The following TOGARAM1 variants were observed in gnomAD, a reference collection of about 807,000 sequenced individuals.
TOGARAM1 encodes TOG array regulator of axonemal microtubules 1, also known as TOG array regulator of axonemal microtubules protein 1.
In TOGARAM1, 100 loss-of-function variants were observed where a neutral mutation model predicts 166.6. The ratio of observed to expected loss-of-function variants is 0.60; its 90% CI spans 0.51 to 0.71. The LOEUF (loss-of-function observed/expected upper bound fraction) is 0.71, where lower values mean the gene tolerates loss of function less well. TOGARAM1 is among the 30% of genes least tolerant of loss of function. TOGARAM1 has a pLI of 0.00. For synonymous variants in TOGARAM1, 758 were observed against 763.8 expected (o/e 0.99, Z 0.13); for missense variants, 2,029 against 2,102.7 (o/e 0.96, Z 0.69).
At chr14:45,038,987 AGAGTGGGTAGCTCCTATCCACAGGC>A (rs1387774716) in intron 11 of TOGARAM1, among the ~76,000 whole-genome samples, 3 of 152,082 alleles carry the variant, frequency 2.0e-5, no homozygotes, top group Non-Finnish European at 4.4e-5. Flanking sequence ...GGGGAGACCC[AGAGTGGGTAGCTCCTATCCACAGGC>A]GGGTCATCCT....
chr14:44,990,952 G>C (rs1887089958), intron 1 of TOGARAM1, among the ~76,000 whole-genome samples: 1 of 107,892 alleles, frequency 9.3e-6, no homozygotes, highest in Non-Finnish European at 1.7e-5. Flanking sequence ...CCCAGCTGAG[G>C]CTTTTTTTTT....
At chr14:44,975,375 A>T (rs1409355263) in intron 1 of TOGARAM1, among the ~76,000 whole-genome samples, 1 of 152,198 alleles carries the variant, frequency 6.6e-6, no homozygotes, top group African/African-American at 2.4e-5. Flanking sequence ...AGTGTCTTTG[A>T]AGGGCAGTGT....
At chr14:45,045,543 G>GTGTATATATATATATA (rs1457434775) in intron 13 of TOGARAM1, among the ~76,000 whole-genome samples, 1 of 38,922 alleles carries the variant, frequency 2.6e-5, no homozygotes, top group Non-Finnish European at 5.0e-5. Flanking sequence ...GTCTGTGTGT[G>GTGTATATATATATATA]TATATATATA....
chr14:44,969,873 C>G (rs772957760), intron 1 of TOGARAM1, among the ~76,000 whole-genome samples: 2 of 152,080 alleles, frequency 1.3e-5, no homozygotes, highest in Non-Finnish European at 2.9e-5. Context: ...GGGTCTTTTT[C>G]TGGGCTCTTT....
At position 45,044,735 on chromosome 14, in the gene TOGARAM1, C is replaced by CA. The variant is rs746532217; in HGVS notation, c.4020dup (p.Val1341SerfsTer10). 50 of 1,613,804 alleles carry CA rather than the reference C, an allele frequency of 3.1e-5. No homozygotes were observed. The highest frequency in any genetic ancestry group is 1.9e-5 in the Non-Finnish European group (23 of 1,179,956). ...AGCATGGATCAAGAGCTAGATACCACAGTAAAAGTTTTGTTGCACAAGGCT... is the reference window on the plus strand; with the variant it reads ...AGCATGGATCAAGAGCTAGATACCACAAGTAAAAGTTTTGTTGCACAAGGCT... On this transcript the variant is annotated frameshift_variant, in exon 13 of 20. Coordinates refer to ENST00000361462, the MANE Select transcript of TOGARAM1 (RefSeq NM_001308120.2). LOFTEE classifies it high-confidence loss of function.
At position 44,962,892 on chromosome 14, in the gene TOGARAM1, A is replaced by T; in HGVS notation, c.471A>T (p.Gln157His). Residue 157 changes from glutamine to histidine, a missense_variant, in exon 1 of 20, where the codon CAA becomes CAT. Coordinates refer to ENST00000361462, the MANE Select transcript of TOGARAM1 (RefSeq NM_001308120.2). ...GGSDEKRLCL[Q>H]LLSDVLRGQG... ...GTGATGAGAAGCGGCTCTGCTTGCA[A>T]CTTCTCTCGGACGTTCTCCGGGGTC... The T allele has an allele frequency of 6.2e-7, 1 of 1,613,880 alleles. No individual in the cohort carries two copies. The highest frequency in any genetic ancestry group is 8.5e-7 in the Non-Finnish European group (1 of 1,180,016).
intron 18 of TOGARAM1, among the ~76,000 whole-genome samples, chr14:45,069,253 C>T (rs1883273450): frequency 6.6e-6 from 1 of 152,020 alleles, no homozygotes; most frequent in African/African-American, 2.4e-5. Context: ...CCTGTAATCC[C>T]AGCTACCCTG....
chr14:45,061,802 G>A (rs1008052273), intron 16 of TOGARAM1, among the ~76,000 whole-genome samples: 1 of 151,508 alleles, frequency 6.6e-6, no homozygotes, highest in Non-Finnish European at 1.5e-5. Flanking sequence ...CTATAATCAT[G>A]AGGTCTTTAG....
chr14:44,962,650 G>A lies in TOGARAM1; in HGVS notation c.229G>A (p.Ala77Thr), dbSNP rs1170840328. Residue 77 changes from alanine (A) to threonine (T), a missense_variant, in exon 1 of 20, where the codon GCA (alanine) becomes ACA (threonine). Around this residue, in one of 2 missense-constraint regions of TOGARAM1, gnomAD observed 1,453 missense variants for 1,432.2 expected, o/e 1.01. Coordinates refer to ENST00000361462, the MANE Select transcript of TOGARAM1 (RefSeq NM_001308120.2). The stretch of plus-strand genomic sequence containing the variant: ...CTCGGCCCTCTTGATGCCCTCGGAG[G>A]CAGTCTCAAGCAGCTGGTCTGAGTC... ...LASALLMPSE[A>T]VSSSWSESGG... The A allele has an allele frequency of 6.2e-7, 1 of 1,614,110 alleles. No individual in the cohort carries two copies. Among genetic ancestry groups the A allele is most frequent in the South Asian group, 1.1e-5 (1 of 91,084 alleles).
At chr14:45,023,139 G>A (rs765104678) in intron 7 of TOGARAM1, among the ~76,000 whole-genome samples, 43 of 152,194 alleles carry the variant, frequency 2.8e-4, no homozygotes, top group Non-Finnish European at 4.7e-4. Flanking sequence ...CCCACTTTTC[G>A]AAGTCCTTTT....
At chr14:45,003,263 C>A (rs141081381) in intron 3 of TOGARAM1, among the ~76,000 whole-genome samples, 84 of 152,022 alleles carry the variant, frequency 5.5e-4, no homozygotes, top group African/African-American at 1.9e-3. Flanking sequence ...TATTAATATA[C>A]GTACGCTAGG....
At chr14:45,047,684 C>CT (rs888936392) in intron 14 of TOGARAM1, among the ~76,000 whole-genome samples, 4 of 152,114 alleles carry the variant, frequency 2.6e-5, no homozygotes, top group Non-Finnish European at 4.4e-5. Flanking sequence ...CTGTTAGTCT[C>CT]TGTTTCCTTG....
At chr14:44,973,871 G>A (rs964562698) in intron 1 of TOGARAM1, among the ~76,000 whole-genome samples, 3 of 151,432 alleles carry the variant, frequency 2.0e-5, no homozygotes, top group African/African-American at 7.3e-5. Flanking sequence ...GAAGTTAGAT[G>A]TAATTCTTAT....
In TOGARAM1 at chr14:45,028,156, C is replaced by A. The variant is rs750317916; in HGVS notation, c.3505-20C>A. 4.5e-6 allele frequency: 7 copies of A among 1,552,826 alleles called. No individual in the cohort carries two copies. The African/African-American group carries it at 9.8e-5, about 22-fold the overall frequency. ...ATCAAAGTCCCTGAATATTTTCAGACTTTCAACTTTTTCATGCAGGCTAAA... is the reference window on the plus strand; with the variant it reads ...ATCAAAGTCCCTGAATATTTTCAGAATTTCAACTTTTTCATGCAGGCTAAA... On this transcript the variant is annotated intron_variant, in intron 9 of 19. Transcript: ENST00000361462.
intron 14 of TOGARAM1, among the ~76,000 whole-genome samples, chr14:45,049,778 C>CATT (rs1263347372): frequency 1.3e-5 from 2 of 151,904 alleles, no homozygotes; most frequent in East Asian, 3.9e-4. Context: ...AGGGTTAGAT[C>CATT]ATTATAGGCT....
In TOGARAM1 at chr14:45,006,029, C is replaced by G; in HGVS notation, c.2666C>G (p.Pro889Arg). The G allele has an allele frequency of 1.3e-6, 2 of 1,557,802 alleles. No homozygotes were observed. The highest frequency in any genetic ancestry group is 2.0e-5 in the Admixed American group (1 of 49,556). ...GCAGGAGAAAATTCTCAAGAAAAACCTCCAGTTCAGCTTACACCTGCCTTG... is the reference window on the plus strand; with the variant it reads ...GCAGGAGAAAATTCTCAAGAAAAACGTCCAGTTCAGCTTACACCTGCCTTG... The part of the protein sequence containing the change: ...RNHGENSQEK[P>R]PVQLTPALVR... Residue 889 changes from proline (P) to arginine (R), a missense_variant, in exon 5 of 20, where the codon CCT becomes CGT. By Grantham distance (103) the Pro-to-Arg change is moderately radical. Transcript: ENST00000361462.
chr14:44,998,062 A>G (rs762249178), intron 2 of TOGARAM1, among the ~76,000 whole-genome samples: 10 of 152,228 alleles, frequency 6.6e-5, no homozygotes, highest in Non-Finnish European at 1.0e-4. Flanking sequence ...TTCAGTAAAC[A>G]TTGTTCCCTA....
chr14:45,024,940 C>T (rs1880741504), intron 7 of TOGARAM1, among the ~76,000 whole-genome samples: 1 of 152,098 alleles, frequency 6.6e-6, no homozygotes, highest in South Asian at 2.1e-4. Context: ...TTTCTCTTTT[C>T]TTTTTTTGCC....
chr14:45,003,771 G>A (rs11850124), intron 3 of TOGARAM1, among the ~76,000 whole-genome samples: 8,970 of 149,392 alleles, frequency 0.06, 785 homozygotes, highest in African/African-American at 0.18. Flanking sequence ...TCTGACATGT[G>A]TGTATATGTA....
Sources: gnomAD v4.1 joint callset for allele counts (sites outside exome capture counted in the v4.1 genomes callset) on GRCh38, gnomAD v4.1.1 for gene constraint, gnomAD v4.1.1 regional missense constraint, MANE v1.5 for transcripts, NCBI Gene and HGNC (gene_info 2026-07-23, HGNC 2026-07-21) for gene names.